The following LARGE1 variants were observed in gnomAD, a reference collection of about 807,000 sequenced individuals.
LARGE1 encodes LARGE xylosyl- and glucuronyltransferase 1.
Under a neutral mutation model 87.6 loss-of-function variants are expected in LARGE1, and 43 were observed. The ratio of observed to expected loss-of-function variants is 0.49; its 90% CI spans 0.38 to 0.63. LARGE1 has a LOEUF of 0.63. Ranked by LOEUF, LARGE1 falls within the 30% of genes least tolerant of loss-of-function variation. LARGE1 has a pLI of 0.00. For synonymous variants in LARGE1, 434 were observed against 394.6 expected (o/e 1.10, Z -1.18); for missense variants, 802 against 1,000.2 (o/e 0.80, Z 2.67).
intron 1 of LARGE1, among the ~76,000 whole-genome samples, chr22:33,874,404 A>G (rs2064400099): frequency 6.6e-6 from 1 of 152,120 alleles, no homozygotes; most frequent in African/African-American, 2.4e-5. Flanking sequence ...TGACCTCACA[A>G]CTTTTTCACA....
intron 1 of LARGE1, among the ~76,000 whole-genome samples, chr22:33,801,478 C>T (rs775122315): frequency 5.9e-4 from 89 of 152,072 alleles, no homozygotes; most frequent in African/African-American, 1.9e-3. Flanking sequence ...TCTTTTCATG[C>T]GCTTATTTCC....
rs2079314170 is a variant in LARGE1 at position 33,607,975 on chromosome 22, C to G, written c.492-3417G>C. ...GCCCTATAAGAAGCTGCCACTGGGCCTTGGTGATGCTTGGTGGCATGAAGG... is the reference window on the plus strand; with the variant it reads ...GCCCTATAAGAAGCTGCCACTGGGCGTTGGTGATGCTTGGTGGCATGAAGG... On this transcript the variant is annotated intron_variant, in intron 4 of 14. Coordinates refer to ENST00000397394, the MANE Select transcript of LARGE1 (RefSeq NM_133642.5). 3.3e-5 allele frequency among the ~76,000 whole-genome samples: 5 copies of G among 152,256 alleles called. No individual in the cohort carries two copies. The South Asian group carries it at 1.0e-3, about 32-fold the overall frequency.
At chr22:33,424,462 T>C (rs1003492927) in intron 7 of LARGE1, among the ~76,000 whole-genome samples, 1 of 152,178 alleles carries the variant, frequency 6.6e-6, no homozygotes, top group Non-Finnish European at 1.5e-5. Context: ...AGCAGAGTGA[T>C]TAAGCAGGTG....
At chr22:33,701,139 G>C (rs575919386) in intron 2 of LARGE1, among the ~76,000 whole-genome samples, 4 of 152,126 alleles carry the variant, frequency 2.6e-5, no homozygotes, top group Non-Finnish European at 4.4e-5. Context: ...GAGTGGTCAC[G>C]GCCTGGAGGG....
intron 2 of LARGE1, among the ~76,000 whole-genome samples, chr22:33,735,285 T>C (rs940204717): frequency 6.6e-6 from 1 of 152,212 alleles, no homozygotes; most frequent in Non-Finnish European, 1.5e-5. Flanking sequence ...TTTGTTTTGT[T>C]ACTTACCTAA....
the LARGE1 span, among the ~76,000 whole-genome samples, chr22:33,152,786 C>A: frequency 6.6e-6 from 1 of 152,082 alleles, no homozygotes; most frequent in Non-Finnish European, 1.5e-5. Context: ...ATAAATATGG[C>A]TTTCATATTA....
At chr22:33,915,628 G>T (rs138851669) in intron 1 of LARGE1, among the ~76,000 whole-genome samples, 1 of 151,894 alleles carries the variant, frequency 6.6e-6, no homozygotes, top group South Asian at 2.1e-4. Flanking sequence ...GAATGATAAC[G>T]GACAAAAGAA....
chr22:33,753,456 C>G (rs2145658549), intron 2 of LARGE1, among the ~76,000 whole-genome samples: 1 of 152,242 alleles, frequency 6.6e-6, no homozygotes, highest in Admixed American at 6.5e-5. Flanking sequence ...CAGAAGGAAC[C>G]AGCCTTGCCA....
intron 10 of LARGE1, among the ~76,000 whole-genome samples, chr22:33,320,260 C>T (rs556326216): frequency 6.6e-6 from 1 of 152,246 alleles, no homozygotes; most frequent in East Asian, 1.9e-4. Context: ...CTTTCCCTCA[C>T]ACCTCCGTGA....
At chr22:33,142,861 G>A in the LARGE1 span, among the ~76,000 whole-genome samples, 6 of 152,132 alleles carry the variant, frequency 3.9e-5, no homozygotes, top group African/African-American at 1.4e-4. Flanking sequence ...GCACATGTGA[G>A]GATGTCAGTA....
chr22:33,564,323 G>A (rs886182653), intron 6 of LARGE1, among the ~76,000 whole-genome samples: 5 of 152,090 alleles, frequency 3.3e-5, no homozygotes, highest in East Asian at 1.9e-4. Context: ...CCTTGAGGCC[G>A]TGACGAGAGT....
At chr22:33,913,931 T>TA (rs2065710801) in intron 1 of LARGE1, among the ~76,000 whole-genome samples, 1 of 152,202 alleles carries the variant, frequency 6.6e-6, no homozygotes. Flanking sequence ...TGAAATATAA[T>TA]AACGGAATTA....
At chr22:33,873,871 T>C (rs130838) in intron 1 of LARGE1, among the ~76,000 whole-genome samples, 151,322 of 151,334 alleles carry the variant, frequency 1, 75,655 homozygotes, top group Middle Eastern at 1. Flanking sequence ...GGTTTCACCT[T>C]CCTCCACCTC....
intron 11 of LARGE1, among the ~76,000 whole-genome samples, chr22:33,184,365 C>T (rs1923361649): frequency 6.6e-6 from 1 of 150,590 alleles, no homozygotes; most frequent in Non-Finnish European, 1.5e-5. Context: ...GAAGAAATCA[C>T]AAGAGAATAA....
At chr22:33,552,478 A>T (rs1232717532) in intron 6 of LARGE1, among the ~76,000 whole-genome samples, 1 of 149,304 alleles carries the variant, frequency 6.7e-6, no homozygotes, top group African/African-American at 2.5e-5. Flanking sequence ...AAAAAAAAAT[A>T]GCAATGGTGC....
intron 3 of LARGE1, among the ~76,000 whole-genome samples, chr22:33,634,674 AAATAATAAT>A (rs139108196): frequency 6.7e-6 from 1 of 149,398 alleles, no homozygotes; most frequent in South Asian, 2.1e-4. Context: ...AAAAATTTCA[AAATAATAAT>A]AATAATAATA....
intron 1 of LARGE1, among the ~76,000 whole-genome samples, chr22:33,819,106 G>A (rs2086743408): frequency 6.6e-6 from 1 of 152,188 alleles, no homozygotes; most frequent in Non-Finnish European, 1.5e-5. Context: ...AGGACTGGAT[G>A]GAGTGACGTC....
At chr22:33,858,119 T>G (rs1237600567) in intron 1 of LARGE1, among the ~76,000 whole-genome samples, 13 of 152,102 alleles carry the variant, frequency 8.5e-5, no homozygotes, top group Non-Finnish European at 1.2e-4. Flanking sequence ...TGGAACCCCG[T>G]GACTAGTGTT....
At chr22:33,376,186 A>T (rs977216580) in intron 9 of LARGE1, among the ~76,000 whole-genome samples, 1 of 152,228 alleles carries the variant, frequency 6.6e-6, no homozygotes, top group African/African-American at 2.4e-5. Flanking sequence ...TATGGCTATG[A>T]TTTAAAGAAA....
Sources: allele counts gnomAD v4.1 joint callset (sites outside exome capture counted in the v4.1 genomes callset), GRCh38; gene constraint gnomAD v4.1.1; transcripts MANE v1.5; gene names NCBI Gene and HGNC (gene_info 2026-07-23, HGNC 2026-07-21).